Variants in ITSN2 observed in about 807,000 individuals in gnomAD.
The protein encoded by ITSN2 is intersectin 2, also known as intersectin-2.
In ITSN2, 156 loss-of-function variants were observed where a neutral mutation model predicts 243.7. The observed-to-expected ratio is 0.64, with a 90% CI of 0.56 to 0.73. ITSN2 has a LOEUF of 0.73. ITSN2 is among the 30% of genes least tolerant of loss of function. The pLI is 0.00. For missense variants in ITSN2, 1,801 were observed against 1,996.1 expected (o/e 0.90, Z 1.86); for synonymous variants, 703 against 699.9 (o/e 1.00, Z -0.07).
rs763882290 is a variant in ITSN2, at chr2:24,216,241, AAC to A, written c.3807-11_3807-10del. On this transcript the variant is annotated splice_polypyrimidine_tract_variant and intron_variant, in intron 31 of 39. Transcript: ENST00000355123. Reference sequence around the variant, plus strand: ...TCCGCACCCGCAAAGCCCTGCCAAGAACACACTCTCATTTTGTGTTTCTAAGT... The same window carrying A: ...TCCGCACCCGCAAAGCCCTGCCAAGAACACTCTCATTTTGTGTTTCTAAGT... 3 of 1,573,806 alleles carry A rather than the reference AAC, an allele frequency of 1.9e-6. No homozygotes were observed. The highest frequency in any genetic ancestry group is 1.7e-6 in the Non-Finnish European group (2 of 1,158,986).
intron 29 of ITSN2, among the ~76,000 whole-genome samples, chr2:24,245,590 C>T (rs1273212168): frequency 2.6e-5 from 4 of 151,976 alleles, no homozygotes; most frequent in Non-Finnish European, 5.9e-5. Context: ...AGAGATCTCC[C>T]ACCTCAGCCT....
At position 24,205,306 on chromosome 2, in the gene ITSN2, G is replaced by C; in HGVS notation, c.4679-9C>G. 6.2e-7 allele frequency: 1 copy of C among 1,611,786 alleles called. No homozygotes were observed. Among genetic ancestry groups the C allele is most frequent in the Non-Finnish European group, 8.5e-7 (1 of 1,177,962 alleles). On this transcript the variant is annotated splice_polypyrimidine_tract_variant and intron_variant, in intron 37 of 39. Transcript: ENST00000355123. ...AGTCTTTTGGGAGCGGGCTACAAAA[G>C]AGGAAGACAAGTCTCATTAATCTCT...
chr2:24,208,603 G>T (rs1273741822), intron 36 of ITSN2, among the ~76,000 whole-genome samples: 1 of 152,180 alleles, frequency 6.6e-6, no homozygotes, highest in East Asian at 1.9e-4. Context: ...GTCACGAGGG[G>T]TTCTAGCGCA....
intron 20 of ITSN2, among the ~76,000 whole-genome samples, chr2:24,263,033 CT>C: frequency 6.6e-6 from 1 of 152,054 alleles, no homozygotes; most frequent in Non-Finnish European, 1.5e-5. Flanking sequence ...ATGATTTTTA[CT>C]CATCCTTCAA....
At position 24,229,336 on chromosome 2, in the gene ITSN2, C is replaced by G. The variant is rs113873066; in HGVS notation, c.3578-8270G>C. Among the ~76,000 whole-genome samples the G allele has an allele frequency of 9.4e-4, 143 of 152,226 alleles. 1 individual carries two copies. Among genetic ancestry groups the G allele is most frequent in the Middle Eastern group, 3.4e-3 (1 of 294 alleles). Reference sequence around the variant, plus strand: ...GTGCTGGCTCACTCACGCCTGTAATCCCAGCACTTTGGGAGGTCGAGGTGG... The same window carrying G: ...GTGCTGGCTCACTCACGCCTGTAATGCCAGCACTTTGGGAGGTCGAGGTGG... On this transcript the variant is annotated intron_variant, in intron 29 of 39. Transcript: ENST00000355123.
chr2:24,256,440 T>C (rs1345071328), intron 23 of ITSN2, among the ~76,000 whole-genome samples: 3 of 152,248 alleles, frequency 2.0e-5, no homozygotes, highest in Non-Finnish European at 4.4e-5. Context: ...CTCAAGCCTC[T>C]TGATTGCAAA....
chr2:24,323,947 G>C (rs1173262601), intron 2 of ITSN2, among the ~76,000 whole-genome samples: 1 of 152,118 alleles, frequency 6.6e-6, no homozygotes, highest in East Asian at 1.9e-4. Context: ...CTTAAAAGCT[G>C]CTCGGCCAGG....
chr2:24,323,938 T>C (rs1401451877), intron 2 of ITSN2, among the ~76,000 whole-genome samples: 1 of 152,160 alleles, frequency 6.6e-6, no homozygotes, highest in East Asian at 1.9e-4. Flanking sequence ...TTAAGAAGGC[T>C]TAAAAGCTGC....
At chr2:24,291,916 A>C (rs142484274) in intron 15 of ITSN2, among the ~76,000 whole-genome samples, 1 of 152,354 alleles carries the variant, frequency 6.6e-6, no homozygotes, top group East Asian at 1.9e-4. Flanking sequence ...ATGGTAGTAC[A>C]GTGGGCTTTA....
chr2:24,279,883 C>T (rs1406976393), intron 17 of ITSN2, among the ~76,000 whole-genome samples: 1 of 151,912 alleles, frequency 6.6e-6, no homozygotes, highest in Non-Finnish European at 1.5e-5. Context: ...TAGGCGTCTG[C>T]CACCATGCCC....
rs114662487 is a variant in ITSN2 at position 24,212,553 on chromosome 2, A to G, written c.4089+97T>C. 1,860 of 843,396 alleles carry G rather than the reference A, an allele frequency of 2.2e-3. 21 individuals carry two copies. The African/African-American group carries it at 0.03, about 13-fold the overall frequency. The allele number at this position is 843,396 out of a possible 1,614,324, so 52.2% of individuals were successfully genotyped here. ...GCGGTGTCACACTGTGTGCAGGGTGAGGTGGCATGCTCAGGGCTCCCTGAG... is the reference window on the plus strand; with the variant it reads ...GCGGTGTCACACTGTGTGCAGGGTGGGGTGGCATGCTCAGGGCTCCCTGAG... On this transcript the variant is annotated intron_variant, in intron 33 of 39. Coordinates refer to ENST00000355123, the MANE Select transcript of ITSN2 (RefSeq NM_006277.3).
intron 4 of ITSN2, 81 bp downstream of exon 4, chr2:24,313,378 TA>T: frequency 2.5e-6 from 3 of 1,185,086 alleles, no homozygotes; most frequent in Non-Finnish European, 3.6e-6. Context: ...AGAATGCAAC[TA>T]AAAACAATTT....
At chr2:24,224,396 G>C (rs995429693) in intron 29 of ITSN2, among the ~76,000 whole-genome samples, 1 of 152,188 alleles carries the variant, frequency 6.6e-6, no homozygotes, top group African/African-American at 2.4e-5. Context: ...TTGTGTACCA[G>C]TGCGTTGAGC....
chr2:24,217,839 G>T, intron 31 of ITSN2, 68 bp downstream of exon 31: 1 of 1,054,376 alleles, frequency 9.5e-7, no homozygotes, highest in Non-Finnish European at 1.5e-6. Flanking sequence ...CTTGCAGAGG[G>T]TTTTGTGTGA....
rs150003886 is a variant in ITSN2 at position 24,204,411 on chromosome 2, G to A, written c.4770C>T (p.Ser1590=). Residue 1590 remains serine, a synonymous_variant, in exon 39 of 40, where the codon AGC becomes AGT. Transcript: ENST00000355123. This position sits in a 1 kb window ranked among gnomAD's most constrained non-coding sequence, Gnocchi z 5.1. ...CCATGCTGATTTCACAGTATGGGTT[G>A]CTCTTTCCTGAACAAAAACAAACCA... ...ELKACKPNGK[S]NPYCEISMGS... 34 of 1,614,128 alleles carry A rather than the reference G, an allele frequency of 2.1e-5. No homozygotes were observed. The African/African-American group carries it at 4.0e-4, about 19-fold the overall frequency.
chr2:24,302,478 G>A (rs1457118815), intron 9 of ITSN2, among the ~76,000 whole-genome samples: 3 of 152,154 alleles, frequency 2.0e-5, no homozygotes, highest in African/African-American at 7.2e-5. Flanking sequence ...GATTACAGGC[G>A]TGAGCCACCT....
Position 24,248,672 on chromosome 2 carries a change from A to ATT in ITSN2, c.3243_3244dup (p.Ile1082LysfsTer3). ...CCACCCACTTGTATTTTTCTTTAGAATTAATATTAACTGTCCTGGTGCAAG... is the reference window on the plus strand; with the variant it reads ...CCACCCACTTGTATTTTTCTTTAGAATTTTAATATTAACTGTCCTGGTGCAAG... On this transcript the variant is annotated frameshift_variant, in exon 27 of 40. Transcript: ENST00000355123. LOFTEE classifies it high-confidence loss of function. 1 of 1,611,596 alleles carries ATT rather than the reference A, an allele frequency of 6.2e-7. No homozygotes were observed.
At chr2:24,272,155 G>A (rs540257863) in intron 18 of ITSN2, among the ~76,000 whole-genome samples, 23 of 152,250 alleles carry the variant, frequency 1.5e-4, no homozygotes, top group Admixed American at 5.2e-4. Flanking sequence ...ATTAGTGGAT[G>A]CACTGGGGTG....
intron 7 of ITSN2, among the ~76,000 whole-genome samples, chr2:24,309,735 G>A (rs112963189): frequency 2.3e-4 from 35 of 152,214 alleles, no homozygotes; most frequent in African/African-American, 7.7e-4. Context: ...ATGGCTCAGC[G>A]ATGTTAAGAA....
Sources: allele counts gnomAD v4.1 joint callset (sites outside exome capture counted in the v4.1 genomes callset), GRCh38; gene constraint gnomAD v4.1.1; non-coding constraint Gnocchi (gnomAD v3.1); transcripts MANE v1.5; gene names NCBI Gene and HGNC (gene_info 2026-07-23, HGNC 2026-07-21).